Variants in CCSER1 observed in about 807,000 individuals in gnomAD.
CCSER1 encodes the protein serine-rich coiled-coil domain-containing protein 1.
Under a neutral mutation model 82.0 loss-of-function variants are expected in CCSER1, and 41 were observed. That is an observed-to-expected ratio of 0.50 (90% CI 0.39 to 0.65). The LOEUF is 0.65. Among genes scored for constraint, CCSER1 ranks in the 30% least tolerant of loss-of-function variants. The pLI is 0.00. For synonymous variants in CCSER1, 414 were observed against 383.9 expected (o/e 1.08, Z -0.92); for missense variants, 1,119 against 1,064.2 (o/e 1.05, Z -0.72).
chr4:91,411,748 C>A (rs1408138010), intron 10 of CCSER1, among the ~76,000 whole-genome samples: 1 of 144,738 alleles, frequency 6.9e-6, no homozygotes. Flanking sequence ...GCTAGTGGCA[C>A]AAAAAAAAAA....
At chr4:90,505,687 A>G (rs1578857327) in intron 5 of CCSER1, among the ~76,000 whole-genome samples, 2 of 152,318 alleles carry the variant, frequency 1.3e-5, no homozygotes, top group East Asian at 1.9e-4. Flanking sequence ...TAACTTCTGG[A>G]TGTTGCCATG....
At chr4:90,471,969 C>T (rs1270898640) in intron 5 of CCSER1, among the ~76,000 whole-genome samples, 2 of 151,360 alleles carry the variant, frequency 1.3e-5, no homozygotes, top group East Asian at 1.9e-4. Flanking sequence ...AAGAGCAAAA[C>T]GCCATCTCAA....
intron 5 of CCSER1, among the ~76,000 whole-genome samples, chr4:90,487,995 T>C (rs2153602527): frequency 6.6e-6 from 1 of 152,264 alleles, no homozygotes; most frequent in South Asian, 2.1e-4. Flanking sequence ...TAGATTGTCT[T>C]CTTATAAGGA....
chr4:90,780,695 C>T (rs1753647673), intron 7 of CCSER1: 15 of 1,323,682 alleles, frequency 1.1e-5, no homozygotes, highest in South Asian at 2.4e-5. Flanking sequence ...GTAAGCAAGA[C>T]AAACGGTCAG....
rs142055082 is a variant in CCSER1 at position 90,713,072 on chromosome 4, C to T, written c.1933-10842C>T. The stretch of plus-strand genomic sequence containing the variant: ...GAGATGGATCTTTTCAAGAAGCACA[C>T]CGATGGGTCTTTTTTCTTTATCTAG... On this transcript the variant is annotated intron_variant, in intron 6 of 10. Coordinates refer to ENST00000509176, the MANE Select transcript of CCSER1 (RefSeq NM_001145065.2). Among the ~76,000 whole-genome samples, 455 of 151,840 alleles carry T rather than the reference C, an allele frequency of 3.0e-3. 3 individuals carry two copies. The highest frequency in any genetic ancestry group is 4.4e-3 in the Non-Finnish European group (299 of 67,908).
intron 5 of CCSER1, among the ~76,000 whole-genome samples, chr4:90,491,129 G>A (rs1026498054): frequency 1.3e-5 from 2 of 151,774 alleles, no homozygotes; most frequent in Non-Finnish European, 2.9e-5. Flanking sequence ...CCATTTTCAC[G>A]ATATTGATTC....
intron 7 of CCSER1, among the ~76,000 whole-genome samples, chr4:90,756,606 G>A (rs1696992796): frequency 6.6e-6 from 1 of 151,992 alleles, no homozygotes. Flanking sequence ...ATGCCAAATA[G>A]CCTCTAATTT....
chr4:90,706,410 C>T (rs1417842233), intron 6 of CCSER1, among the ~76,000 whole-genome samples: 1 of 152,254 alleles, frequency 6.6e-6, no homozygotes, highest in East Asian at 1.9e-4. Context: ...TGTGCTGCTG[C>T]ACTCCAGCCT....
At chr4:91,507,544 T>C (rs966449316) in intron 10 of CCSER1, among the ~76,000 whole-genome samples, 1 of 152,064 alleles carries the variant, frequency 6.6e-6, no homozygotes, top group Non-Finnish European at 1.5e-5. Flanking sequence ...TTCTCCTGCC[T>C]CTACGTATCA....
intron 10 of CCSER1, among the ~76,000 whole-genome samples, chr4:91,247,955 G>C (rs779514349): frequency 3.9e-5 from 6 of 152,100 alleles, no homozygotes; most frequent in Non-Finnish European, 8.8e-5. Context: ...TAAGACTTAG[G>C]CAGGAAGTAT....
intron 4 of CCSER1, among the ~76,000 whole-genome samples, chr4:90,413,035 T>G (rs1755138048): frequency 6.6e-6 from 1 of 152,110 alleles, no homozygotes; most frequent in Non-Finnish European, 1.5e-5. Flanking sequence ...GAAGACATGA[T>G]CATATACCTA....
At chr4:90,630,849 C>T (rs961133984) in intron 6 of CCSER1, among the ~76,000 whole-genome samples, 1 of 149,018 alleles carries the variant, frequency 6.7e-6, no homozygotes, top group Non-Finnish European at 1.5e-5. Flanking sequence ...GATGCACAAT[C>T]GTTCAATCTT....
At chr4:90,794,071 C>T (rs780462452) in intron 7 of CCSER1, among the ~76,000 whole-genome samples, 5 of 152,172 alleles carry the variant, frequency 3.3e-5, no homozygotes, top group Non-Finnish European at 5.9e-5. Context: ...AGACCTTTAT[C>T]AGATGCATAG....
chr4:91,359,071 C>T (rs1201935707), intron 10 of CCSER1, among the ~76,000 whole-genome samples: 1 of 152,120 alleles, frequency 6.6e-6, no homozygotes, highest in Non-Finnish European at 1.5e-5. Flanking sequence ...TCCCCAAATG[C>T]ACAATTTCTG....
At chr4:90,673,483 G>T (rs1733197797) in intron 6 of CCSER1, among the ~76,000 whole-genome samples, 1 of 151,856 alleles carries the variant, frequency 6.6e-6, no homozygotes, top group South Asian at 2.1e-4. Flanking sequence ...CTTAAAATAA[G>T]TAAAACATAA....
Position 90,675,621 on chromosome 4 carries a change from T to G in CCSER1, c.1932+47389T>G, listed in dbSNP as rs1733698566. On this transcript the variant is annotated intron_variant, in intron 6 of 10. Coordinates refer to ENST00000509176, the MANE Select transcript of CCSER1 (RefSeq NM_001145065.2). Reference sequence around the variant, plus strand: ...CTTTGTTAACACACATGATCTAAAATTTATATAGTATGTGTGTTTTTATCT... The same window carrying G: ...CTTTGTTAACACACATGATCTAAAAGTTATATAGTATGTGTGTTTTTATCT... Among the ~76,000 whole-genome samples the G allele has an allele frequency of 1.4e-5, 2 of 139,698 alleles. 1 individual carries two copies. The highest frequency in any genetic ancestry group is 1.4e-4 in the Admixed American group (2 of 13,948). The allele number at this position is 139,698 out of a possible 152,430, so 91.6% of individuals were successfully genotyped here.
At chr4:91,301,022 A>G (rs1355376935) in intron 10 of CCSER1, among the ~76,000 whole-genome samples, 1 of 151,906 alleles carries the variant, frequency 6.6e-6, no homozygotes, top group Non-Finnish European at 1.5e-5. Context: ...GAGAGGAAAT[A>G]CTTTTACATT....
intron 8 of CCSER1, among the ~76,000 whole-genome samples, chr4:90,908,048 G>A (rs1725764169): frequency 6.6e-6 from 1 of 152,086 alleles, no homozygotes; most frequent in African/African-American, 2.4e-5. Context: ...ATATAAGGAA[G>A]TGTGGAGTCA....
At chr4:91,190,337 T>A (rs985726236) in intron 10 of CCSER1, among the ~76,000 whole-genome samples, 1 of 152,228 alleles carries the variant, frequency 6.6e-6, no homozygotes, top group Non-Finnish European at 1.5e-5. Flanking sequence ...CCTGCTCTAA[T>A]GTCTTCCAAT....
Sources: allele counts gnomAD v4.1 joint callset (sites outside exome capture counted in the v4.1 genomes callset), GRCh38; gene constraint gnomAD v4.1.1; transcripts MANE v1.5; gene names NCBI Gene and HGNC (gene_info 2026-07-23, HGNC 2026-07-21).